FGF12: variants seen among roughly 807,000 people sequenced by gnomAD.
FGF12 encodes the protein fibroblast growth factor 12B.
In FGF12, 14 loss-of-function variants were observed where a neutral mutation model predicts 23.6. The observed-to-expected ratio is 0.59, with a 90% CI of 0.39 to 0.93. FGF12 has a LOEUF of 0.93. FGF12 is among the 40% of genes least tolerant of loss of function. The pLI is 0.00. For synonymous variants in FGF12, 62 were observed against 77.3 expected (o/e 0.80, Z 1.04); for missense variants, 175 against 217.8 (o/e 0.80, Z 1.24).
At chr3:192,416,627 A>G (rs1721362498) in intron 2 of FGF12, among the ~76,000 whole-genome samples, 1 of 152,184 alleles carries the variant, frequency 6.6e-6, no homozygotes, top group Non-Finnish European at 1.5e-5. Context: ...CTCCCAATAA[A>G]AATTTAACAA....
intron 4 of FGF12, among the ~76,000 whole-genome samples, chr3:192,248,583 T>C (rs1294574745): frequency 1.3e-5 from 2 of 152,058 alleles, no homozygotes. Context: ...GAATAGCCTA[T>C]GCAACATAGT....
intron 4 of FGF12, among the ~76,000 whole-genome samples, chr3:192,310,392 A>G (rs1715872067): frequency 6.6e-6 from 1 of 152,218 alleles, no homozygotes; most frequent in African/African-American, 2.4e-5. Context: ...GTGTCTTTCT[A>G]TAAAGATTTC....
At chr3:192,616,125 AT>A (rs1434223538) in intron 2 of FGF12, among the ~76,000 whole-genome samples, 1 of 152,048 alleles carries the variant, frequency 6.6e-6, no homozygotes, top group African/African-American at 2.4e-5. Context: ...CATGTAATAA[AT>A]TCCAATAGAG....
intron 2 of FGF12, among the ~76,000 whole-genome samples, chr3:192,416,932 A>C (rs1283398727): frequency 6.6e-6 from 1 of 152,094 alleles, no homozygotes; most frequent in African/African-American, 2.4e-5. Flanking sequence ...AATGTATAAG[A>C]ATATTTCTTT....
intron 2 of FGF12, among the ~76,000 whole-genome samples, chr3:192,402,328 G>A (rs944498130): frequency 3.3e-5 from 5 of 152,158 alleles, no homozygotes; most frequent in South Asian, 2.1e-4. Context: ...AGGAACATCC[G>A]AGCCAGGAGC....
At chr3:192,287,104 AC>A (rs1364144618) in intron 4 of FGF12, among the ~76,000 whole-genome samples, 1 of 152,040 alleles carries the variant, frequency 6.6e-6, no homozygotes, top group African/African-American at 2.4e-5. Flanking sequence ...GACTATACTA[AC>A]CTTTTTTCTC....
chr3:192,311,354 G>C (rs1715922025), intron 4 of FGF12, among the ~76,000 whole-genome samples: 1 of 152,124 alleles, frequency 6.6e-6, no homozygotes, highest in African/African-American at 2.4e-5. Flanking sequence ...TGTCTCAATA[G>C]AGTTGCTTTT....
chr3:192,170,132 T>C (rs60606288), intron 5 of FGF12, among the ~76,000 whole-genome samples: 10,079 of 125,202 alleles, frequency 0.081, 490 homozygotes, highest in African/African-American at 0.16. Flanking sequence ...GTAATAGAAT[T>C]TTCCTTTTTT....
chr3:192,667,967 A>G (rs986582634), intron 2 of FGF12, among the ~76,000 whole-genome samples: 2 of 152,232 alleles, frequency 1.3e-5, no homozygotes, highest in African/African-American at 4.8e-5. Context: ...AATGTAATCT[A>G]GGGATATAAT....
At chr3:192,290,297 G>T (rs963604303) in intron 4 of FGF12, among the ~76,000 whole-genome samples, 1 of 152,078 alleles carries the variant, frequency 6.6e-6, no homozygotes, top group Non-Finnish European at 1.5e-5. Flanking sequence ...TACCTCATAA[G>T]TGTGTGCAAT....
At chr3:192,671,210 T>C (rs571001290) in intron 2 of FGF12, among the ~76,000 whole-genome samples, 1 of 152,350 alleles carries the variant, frequency 6.6e-6, no homozygotes, top group South Asian at 2.1e-4. Flanking sequence ...GCTTTGAAGT[T>C]AGACAGCAGG....
chr3:192,425,417 G>T (rs565936065), intron 2 of FGF12, among the ~76,000 whole-genome samples: 1 of 152,256 alleles, frequency 6.6e-6, no homozygotes, highest in South Asian at 2.1e-4. Context: ...GAATAAGTCT[G>T]AGAAAGGCCT....
At chr3:192,231,295 T>TA (rs930938126) in intron 4 of FGF12, among the ~76,000 whole-genome samples, 2 of 151,946 alleles carry the variant, frequency 1.3e-5, no homozygotes, top group Non-Finnish European at 2.9e-5. Flanking sequence ...CCTTTTTTTT[T>TA]ACTAAGCTAA....
intron 2 of FGF12, among the ~76,000 whole-genome samples, chr3:192,486,419 T>C (rs1405906481): frequency 2.0e-5 from 3 of 152,006 alleles, no homozygotes; most frequent in Non-Finnish European, 2.9e-5. Flanking sequence ...TTGGAGAGCA[T>C]ATTGCTTCAG....
chr3:192,395,403 T>C (rs1315678078), intron 2 of FGF12, among the ~76,000 whole-genome samples: 1 of 152,232 alleles, frequency 6.6e-6, no homozygotes, highest in Admixed American at 6.5e-5. Flanking sequence ...AACAATATTT[T>C]TGGAATTTAA....
chr3:192,246,630 C>T (rs76564458), intron 4 of FGF12, among the ~76,000 whole-genome samples: 2 of 151,864 alleles, frequency 1.3e-5, no homozygotes, highest in South Asian at 2.1e-4. Context: ...TCTAGACCAG[C>T]CTGGACAACA....
intron 4 of FGF12, among the ~76,000 whole-genome samples, chr3:192,258,594 G>A (rs568531233): frequency 1.3e-5 from 2 of 152,076 alleles, no homozygotes; most frequent in Non-Finnish European, 2.9e-5. Flanking sequence ...GGTTAATATT[G>A]GATACCTTAA....
intron 2 of FGF12, among the ~76,000 whole-genome samples, chr3:192,465,190 A>G (rs1722975497): frequency 6.6e-6 from 1 of 152,220 alleles, no homozygotes; most frequent in Non-Finnish European, 1.5e-5. Context: ...TTAAATGCAA[A>G]TTAGCTGGTT....
intron 4 of FGF12, among the ~76,000 whole-genome samples, chr3:192,235,236 T>C (rs948603860): frequency 3.9e-5 from 6 of 152,230 alleles, no homozygotes; most frequent in Non-Finnish European, 8.8e-5. Flanking sequence ...ATTGGCCTGT[T>C]CAGGATTTCA....
Sources: allele counts gnomAD v4.1 joint callset (sites outside exome capture counted in the v4.1 genomes callset), GRCh38; gene constraint gnomAD v4.1.1; transcripts MANE v1.5; gene names NCBI Gene and HGNC (gene_info 2026-07-23, HGNC 2026-07-21).